Variants in TCF7L2 observed in about 807,000 individuals in gnomAD.
TCF7L2 encodes transcription factor 7-like 2.
Under a neutral mutation model 77.9 loss-of-function variants are expected in TCF7L2, and 23 were observed. The observed-to-expected ratio is 0.30, with a 90% confidence interval of 0.21 to 0.42. The LOEUF is 0.42. Ranked by LOEUF, TCF7L2 falls within the 10% of genes least tolerant of loss-of-function variation. The pLI, the probability that TCF7L2 is intolerant of heterozygous loss-of-function variation, is 1.00. For synonymous variants in TCF7L2, 413 were observed against 340.2 expected (o/e 1.21, Z -2.36); for missense variants, 654 against 793.1 (o/e 0.82, Z 2.11).
chr10:113,015,555 A>G (rs2047197207), intron 4 of TCF7L2, among the ~76,000 whole-genome samples: 1 of 151,692 alleles, frequency 6.6e-6, no homozygotes. Context: ...TGCAGCCTCA[A>G]ACACCTGGGC....
rs3830991 is a variant in TCF7L2, at chr10:113,144,100, C to CTGTGTG, written c.788+107_788+112dup. On this transcript the variant is annotated intron_variant, in intron 7 of 13. Coordinates refer to ENST00000627217, the MANE Select transcript of TCF7L2 (RefSeq NM_001146274.2). ...TTTATTATTTATTCTGTGTGTGTGT[C>CTGTGTG]TGTGTGTGTGTGTGTGTGTGTGTGT... 7.4e-4 allele frequency: 482 copies of CTGTGTG among 653,414 alleles called. 1 individual carries two copies. The highest frequency in any genetic ancestry group is 5.8e-3 in the African/African-American group (293 of 50,500). 40.5% of individuals were successfully genotyped at this position (653,414 alleles called of 1,614,324 possible).
intron 4 of TCF7L2, among the ~76,000 whole-genome samples, chr10:113,009,491 G>A (rs571532107): frequency 2.0e-5 from 3 of 152,170 alleles, no homozygotes; most frequent in Non-Finnish European, 4.4e-5. Context: ...TCCTGCCACC[G>A]AAGGGTGTGG....
At chr10:112,986,640 G>A (rs986207160) in intron 4 of TCF7L2, among the ~76,000 whole-genome samples, 1 of 152,166 alleles carries the variant, frequency 6.6e-6, no homozygotes, top group Non-Finnish European at 1.5e-5. Context: ...GTTGCACTTG[G>A]TGTTTCTCTC....
intron 5 of TCF7L2, among the ~76,000 whole-genome samples, chr10:113,097,659 A>G (rs1477209773): frequency 7.0e-6 from 1 of 142,180 alleles, no homozygotes; most frequent in African/African-American, 2.6e-5. Context: ...AAAAAAAAAA[A>G]AAAAAAAAAA....
At chr10:112,988,803 C>T (rs2042020864) in intron 4 of TCF7L2, among the ~76,000 whole-genome samples, 1 of 152,036 alleles carries the variant, frequency 6.6e-6, no homozygotes, top group African/African-American at 2.4e-5. Flanking sequence ...TTAATAGCAA[C>T]AAGAAAAAAG....
intron 4 of TCF7L2, among the ~76,000 whole-genome samples, chr10:113,023,156 G>A (rs978869152): frequency 6.6e-6 from 1 of 152,210 alleles, no homozygotes; most frequent in African/African-American, 2.4e-5. Context: ...TCAAGACCAT[G>A]TGCTGGATTA....
chr10:112,995,759 G>A (rs955075744), intron 4 of TCF7L2, among the ~76,000 whole-genome samples: 1 of 152,146 alleles, frequency 6.6e-6, no homozygotes, highest in Non-Finnish European at 1.5e-5. Flanking sequence ...GCTGGCGCCT[G>A]CCCCTGGGGT....
intron 4 of TCF7L2, among the ~76,000 whole-genome samples, chr10:112,977,070 T>G (rs947928863): frequency 1.3e-5 from 2 of 152,194 alleles, no homozygotes; most frequent in South Asian, 4.1e-4. Flanking sequence ...TGCAGGGGAC[T>G]TCAAAACAAA....
At position 113,129,490 on chromosome 10, in the gene TCF7L2, T is replaced by A. The variant is rs898790362; in HGVS notation, c.553-11694T>A. On this transcript the variant is annotated intron_variant, in intron 5 of 13. Transcript: ENST00000627217. ...AAGATTAGAAAGTAGAAGGAGTTTT[T>A]AAAATTTTTTTTAAAAAATTAAATC... The A allele has an allele frequency of 9.8e-6, 10 of 1,016,398 alleles. No homozygotes were observed. The Admixed American group carries it at 4.2e-4, about 43-fold the overall frequency. 63.0% of individuals were successfully genotyped at this position (1,016,398 alleles called of 1,614,324 possible).
At chr10:112,966,726 G>A (rs936205840) in intron 4 of TCF7L2, among the ~76,000 whole-genome samples, 9 of 152,146 alleles carry the variant, frequency 5.9e-5, no homozygotes, top group African/African-American at 2.2e-4. Flanking sequence ...TTGTTAGGCC[G>A]AGCAGTTCGT....
chr10:113,150,894 G>T, intron 8 of TCF7L2, 104 bp from the exon 9 acceptor site: 1 of 1,488,564 alleles, frequency 6.7e-7, no homozygotes, highest in South Asian at 1.3e-5. Context: ...GCTTTCATGT[G>T]AGTGTTACGT....
chr10:113,158,513 C>A, intron 12 of TCF7L2, among the ~76,000 whole-genome samples, 154 bp from the exon 13 acceptor site: 1 of 152,288 alleles, frequency 6.6e-6, no homozygotes, highest in East Asian at 1.9e-4. Flanking sequence ...TGGTAAATTA[C>A]ACCCATTTTA....
At chr10:113,032,678 A>G (rs1480379806) in intron 4 of TCF7L2, among the ~76,000 whole-genome samples, 1 of 152,216 alleles carries the variant, frequency 6.6e-6, no homozygotes, top group Non-Finnish European at 1.5e-5. Context: ...CACATCCGGT[A>G]TGCTGGAGAC....
At chr10:113,129,548 C>CT in intron 5 of TCF7L2, 1 of 1,011,532 alleles carries the variant, frequency 9.9e-7, no homozygotes, top group Non-Finnish European at 1.2e-6. Flanking sequence ...TATTAGTGGA[C>CT]TTTTTTGTTT....
intron 4 of TCF7L2, among the ~76,000 whole-genome samples, chr10:112,971,916 A>T (rs1020835037): frequency 9.3e-5 from 13 of 139,404 alleles, no homozygotes; most frequent in Admixed American, 3.5e-4. Context: ...CCTGGCCGTC[A>T]TTTTTTTCTT....
intron 5 of TCF7L2, among the ~76,000 whole-genome samples, chr10:113,118,664 GTTT>G (rs78459197): frequency 0.42 from 28,409 of 67,778 alleles, 3,101 homozygotes; most frequent in East Asian, 0.63. Flanking sequence ...GTTTTTTTTT[GTTT>G]TTTTTTTTTT....
intron 4 of TCF7L2, among the ~76,000 whole-genome samples, chr10:113,020,818 C>A (rs2048159866): frequency 6.6e-6 from 1 of 151,986 alleles, no homozygotes; most frequent in African/African-American, 2.4e-5. Context: ...ATTCTGAGGC[C>A]CTGCCAAAGC....
intron 4 of TCF7L2, among the ~76,000 whole-genome samples, chr10:113,004,189 G>A (rs1314440860): frequency 6.6e-6 from 1 of 152,166 alleles, no homozygotes; most frequent in Non-Finnish European, 1.5e-5. Flanking sequence ...AAGTCTCCGG[G>A]GTGTAGTGCT....
At chr10:113,149,812 C>T (rs373709911) in intron 8 of TCF7L2, among the ~76,000 whole-genome samples, 50 of 152,320 alleles carry the variant, frequency 3.3e-4, no homozygotes, top group African/African-American at 1.2e-3. Context: ...AGCTTCCCAT[C>T]TGCTCACTTG....
Sources: gnomAD v4.1 joint callset for allele counts (sites outside exome capture counted in the v4.1 genomes callset) on GRCh38, gnomAD v4.1.1 for gene constraint, MANE v1.5 for transcripts, NCBI Gene and HGNC (gene_info 2026-07-23, HGNC 2026-07-21) for gene names.